MYO5C: variants seen among roughly 807,000 people sequenced by gnomAD.
The protein encoded by MYO5C is unconventional myosin-Vc.
In MYO5C, 194 loss-of-function variants were observed where a neutral mutation model predicts 235.7. That is an observed-to-expected ratio of 0.82 (90% CI 0.73 to 0.93). MYO5C has a LOEUF of 0.93. Among genes scored for constraint, MYO5C ranks in the 40% least tolerant of loss-of-function variants. The pLI is 0.00. For missense variants in MYO5C, 2,038 were observed against 2,127.2 expected (o/e 0.96, Z 0.82); for synonymous variants, 707 against 754.8 (o/e 0.94, Z 1.04).
At position 52,223,669 on chromosome 15, in the gene MYO5C, C is replaced by A; in HGVS notation, c.3502G>T (p.Ala1168Ser). ...AGATGCACCACTTTGAAGTTCAAAG[C>A]TTCAATCTCCTTTTCATAGCAATCC... ...QKDCYEKEIE[A>S]LNFKVVHLSQ... The change falls in exon 29 of 41, where the codon GCT becomes TCT. Residue 1168 changes from alanine to serine, a missense_variant. Physicochemically the swap from Ala to Ser is moderately conservative, Grantham distance 99. Coordinates refer to ENST00000261839, the MANE Select transcript of MYO5C (RefSeq NM_018728.4). 6.2e-7 allele frequency: 1 copy of A among 1,614,126 alleles called. No homozygotes were observed. Among genetic ancestry groups the A allele is most frequent in the South Asian group, 1.1e-5 (1 of 91,076 alleles).
chr15:52,252,665 C>T (rs979580280), intron 12 of MYO5C, among the ~76,000 whole-genome samples: 9 of 151,988 alleles, frequency 5.9e-5, no homozygotes, highest in Non-Finnish European at 1.2e-4. Flanking sequence ...ATTCCAGCTA[C>T]TCCGGAGGCT....
rs116441937 is a variant in MYO5C, at chr15:52,220,937, A to G, written c.3721+225T>C. On this transcript the variant is annotated intron_variant, in intron 30 of 40. Transcript: ENST00000261839. ...TGATCCACCCATCACCGCTTCCCAA[A>G]GTGCTGGGATTATAGGTGTAAGCCA... 3.1e-3 allele frequency among the ~76,000 whole-genome samples: 477 copies of G among 152,240 alleles called. 5 individuals carry two copies. Among genetic ancestry groups the G allele is most frequent in the African/African-American group, 0.011 (461 of 41,530 alleles).
Position 52,242,087 on chromosome 15 carries a change from G to GGCCT in MYO5C, c.2513_2516dup (p.Tyr840GlyfsTer20), listed in dbSNP as rs754838499. 5.6e-6 allele frequency: 9 copies of GGCCT among 1,613,918 alleles called. No individual in the cohort carries two copies. In the Admixed American group the frequency reaches 1.5e-4, roughly 27 times the overall value. ...TCCTTGCCAGGAATCCTCGGCTGTA[G>GGCCT]GCCTGCATTGTGATGGTGGCCATGC... On this transcript the variant is annotated frameshift_variant, in exon 20 of 41. Transcript: ENST00000261839. LOFTEE classifies it high-confidence loss of function.
chr15:52,269,753 C>G lies in MYO5C; in HGVS notation c.940G>C (p.Gly314Arg). The G allele has an allele frequency of 1.2e-6, 2 of 1,604,980 alleles. No homozygotes were observed. The highest frequency in any genetic ancestry group is 1.7e-6 in the Non-Finnish European group (2 of 1,172,328). ...VETQKTFTLL[G>R]FKEDFQMDVF... Reference sequence around the variant, plus strand: ...ACTTGGATGGGATATTTTCCCTTACCCAGAAGCGTGAAGGTCTTTTGAGTC... The same window carrying G: ...ACTTGGATGGGATATTTTCCCTTACGCAGAAGCGTGAAGGTCTTTTGAGTC... The change falls in exon 8 of 41, where the codon GGT (glycine) becomes CGT (arginine). Residue 314 changes from glycine to arginine, a missense_variant and splice_region_variant. Coordinates refer to ENST00000261839, the MANE Select transcript of MYO5C (RefSeq NM_018728.4).
In MYO5C at chr15:52,260,903, T is replaced by A. The variant is rs768251387; in HGVS notation, c.1272A>T (p.Ser424=). ...VERINQALQF[S]GKQHTFIGVL... is the part of the protein sequence containing the mutation. ...CACCAATAAAAGTGTGCTGCTTGCC[T>A]GAAAACTGCAACGCTTGGTTAATTC... Residue 424 remains serine (S), a synonymous_variant, in exon 10 of 41, where the codon TCA becomes TCT. Transcript: ENST00000261839. 1 of 1,614,222 alleles carries A rather than the reference T, an allele frequency of 6.2e-7. No homozygotes were observed. The highest frequency in any genetic ancestry group is 1.7e-5 in the Admixed American group (1 of 60,024).
intron 9 of MYO5C, among the ~76,000 whole-genome samples, chr15:52,263,832 G>GT (rs2036743977): frequency 6.6e-6 from 1 of 152,112 alleles, no homozygotes; most frequent in Non-Finnish European, 1.5e-5. Flanking sequence ...TTTGCTTGTT[G>GT]TGTCTCCTCC....
chr15:52,237,436 A>G, intron 22 of MYO5C, 46 bp downstream of exon 22: 2 of 1,577,368 alleles, frequency 1.3e-6, no homozygotes, highest in Non-Finnish European at 1.7e-6. Context: ...TCTTTTTCAC[A>G]GAGAGTCCGC....
chr15:52,273,299 G>A (rs1039007051), intron 5 of MYO5C, among the ~76,000 whole-genome samples: 1 of 152,118 alleles, frequency 6.6e-6, no homozygotes, highest in Non-Finnish European at 1.5e-5. Context: ...CTCCAGCCTG[G>A]GTAACTTAGC....
In MYO5C at chr15:52,242,058, C is replaced by G. The variant is rs754711630; in HGVS notation, c.2546G>C (p.Arg849Thr). ...AYSRGFLARR[R>T]YRKMLEEHKA... ...AGAGGTTGGCCTCACCTTTCGATAC[C>G]TCCTCCTTGCCAGGAATCCTCGGCT... The change falls in exon 20 of 41, where the codon AGG (arginine) becomes ACG (threonine). Residue 849 changes from arginine to threonine, a missense_variant. Physicochemically the swap from Arg to Thr is moderately conservative, Grantham distance 71. Coordinates refer to ENST00000261839, the MANE Select transcript of MYO5C (RefSeq NM_018728.4). The G allele has an allele frequency of 1.2e-6, 2 of 1,611,198 alleles. No individual in the cohort carries two copies. The highest frequency in any genetic ancestry group is 1.7e-6 in the Non-Finnish European group (2 of 1,178,674).
chr15:52,228,801 G>A (rs1317586511), intron 25 of MYO5C, among the ~76,000 whole-genome samples: 1 of 152,178 alleles, frequency 6.6e-6, no homozygotes, highest in African/African-American at 2.4e-5. Flanking sequence ...TTTAATGCAG[G>A]TGTTTATAGA....
intron 38 of MYO5C, among the ~76,000 whole-genome samples, chr15:52,197,339 T>C (rs1405732190): frequency 1.3e-5 from 2 of 152,248 alleles, no homozygotes; most frequent in Admixed American, 6.5e-5. Context: ...ATTTGCTACA[T>C]GGATGAACCT....
chr15:52,284,921 C>G (rs373211739), intron 1 of MYO5C, among the ~76,000 whole-genome samples: 14 of 151,420 alleles, frequency 9.2e-5, no homozygotes, highest in East Asian at 5.8e-4. Context: ...CTCACTGGAG[C>G]CTCGAACTCC....
intron 1 of MYO5C, among the ~76,000 whole-genome samples, chr15:52,286,812 G>T (rs1352469543): frequency 2.6e-5 from 4 of 151,774 alleles, no homozygotes; most frequent in African/African-American, 4.8e-5. Context: ...GAGGAAGGCC[G>T]CAGGGTCCTC....
At position 52,237,317 on chromosome 15, in the gene MYO5C, C is replaced by G. The variant is rs543541372; in HGVS notation, c.2868+165G>C. The G allele has an allele frequency of 1.9e-5, 14 of 742,208 alleles. No homozygotes were observed. In the South Asian group the frequency reaches 2.5e-4, roughly 13 times the overall value. The allele number at this position is 742,208 out of a possible 1,614,324, so 46.0% of individuals were successfully genotyped here. A position where few individuals can be genotyped will look rare whatever the true frequency, so the allele number is the denominator to read the frequency against. ...CTCCCTTCCCCTAGACTCTAATCCT[C>G]TGATCTCGCCTTTCCTAAAAGGTAG... On this transcript the variant is annotated intron_variant, in intron 22 of 40. Coordinates refer to ENST00000261839, the MANE Select transcript of MYO5C (RefSeq NM_018728.4).
chr15:52,262,214 T>C (rs2036713488), intron 9 of MYO5C, among the ~76,000 whole-genome samples: 1 of 152,224 alleles, frequency 6.6e-6, no homozygotes, highest in African/African-American at 2.4e-5. Context: ...TGTCCAACAT[T>C]TCAAGTTCCT....
chr15:52,209,071 G>A (rs1208361620), intron 35 of MYO5C, among the ~76,000 whole-genome samples: 2 of 152,170 alleles, frequency 1.3e-5, no homozygotes, highest in Non-Finnish European at 2.9e-5. Flanking sequence ...GAGGAAGGAG[G>A]TCTAGCCTTT....
rs577087804 is a variant in MYO5C at position 52,223,846 on chromosome 15, G to T, written c.3447-122C>A. 2.5e-5 allele frequency: 20 copies of T among 786,046 alleles called. No homozygotes were observed. The East Asian group carries it at 4.8e-4, about 19-fold the overall frequency. The allele number at this position is 786,046 out of a possible 1,614,324, so 48.7% of individuals were successfully genotyped here. On this transcript the variant is annotated intron_variant, in intron 28 of 40. Coordinates refer to ENST00000261839, the MANE Select transcript of MYO5C (RefSeq NM_018728.4). ...CACGAAGTACATCAAGTTTACTTAT[G>T]CACTCACGGTTACAGGCTACAGAAT...
At position 52,235,741 on chromosome 15, in the gene MYO5C, T is replaced by C; in HGVS notation, c.2891A>G (p.His964Arg). The change falls in exon 23 of 41, where the codon CAT becomes CGT. Residue 964 changes from histidine (H) to arginine (R), a missense_variant. His to Arg is a conservative substitution (Grantham distance 29). Transcript: ENST00000261839. ...VEEKLAKLQK[H>R]NSELETQKEQ... ...TTTCTGTGTTTCCAGTTCTGAATTA[T>C]GCTTCTGAAGCTTTGCCAATTTCTA... 5.0e-6 allele frequency: 8 copies of C among 1,611,710 alleles called. No homozygotes were observed. Among genetic ancestry groups the C allele is most frequent in the South Asian group, 1.1e-5 (1 of 90,338 alleles).
rs1249955405 is a variant in MYO5C at position 52,282,872 on chromosome 15, G to A, written c.48C>T (p.Pro16=). 3.7e-6 allele frequency: 6 copies of A among 1,612,908 alleles called. No homozygotes were observed. Among genetic ancestry groups the A allele is most frequent in the East Asian group, 2.2e-5 (1 of 44,860 alleles). ...LYTQYNRVWI[P]DPEEVWKSAE... ...CAGACTTCCAAACTTCTTCAGGATCGGGAATCCAGACCCTGTTGTACTGAC... is the reference window on the plus strand; with the variant it reads ...CAGACTTCCAAACTTCTTCAGGATCAGGAATCCAGACCCTGTTGTACTGAC... The change falls in exon 2 of 41, where the codon CCC becomes CCT. Residue 16 remains proline, a synonymous_variant. Transcript: ENST00000261839.
Sources: allele counts gnomAD v4.1 joint callset (sites outside exome capture counted in the v4.1 genomes callset), GRCh38; gene constraint gnomAD v4.1.1; transcripts MANE v1.5; gene names NCBI Gene and HGNC (gene_info 2026-07-23, HGNC 2026-07-21).